DCDC1: variants seen among roughly 807,000 people sequenced by gnomAD.
The protein encoded by DCDC1 is doublecortin domain containing 1, also known as doublecortin domain-containing protein 1.
DCDC1 carries 200 observed loss-of-function variants against 178.3 expected under a neutral mutation model. That is an observed-to-expected ratio of 1.12 (90% CI 1.00 to 1.26). DCDC1 has a LOEUF of 1.26. Ranked by LOEUF, DCDC1 falls within the 50% of genes most tolerant of loss-of-function variation. DCDC1 has a pLI of 0.00. For missense variants in DCDC1, 1,983 were observed against 1,749.2 expected, an observed-to-expected ratio of 1.13 and a Z score of -2.38; for synonymous variants, 690 against 604.8, an observed-to-expected ratio of 1.14 and a Z score of -2.07.
intron 9 of DCDC1, among the ~76,000 whole-genome samples, chr11:31,144,520 A>G (rs1305340908): frequency 1.3e-5 from 2 of 152,176 alleles, no homozygotes; most frequent in Admixed American, 6.5e-5. Context: ...TTCACTAGCT[A>G]TAAATAAAAA....
At chr11:31,094,514 A>C (rs1375298308) in intron 15 of DCDC1, among the ~76,000 whole-genome samples, 1 of 152,148 alleles carries the variant, frequency 6.6e-6, no homozygotes, top group Admixed American at 6.6e-5. Flanking sequence ...AAATAGTGTT[A>C]TTATAGGCAT....
At chr11:31,330,790 G>T (rs1949936789) in intron 2 of DCDC1, among the ~76,000 whole-genome samples, 1 of 152,064 alleles carries the variant, frequency 6.6e-6, no homozygotes, top group Non-Finnish European at 1.5e-5. Flanking sequence ...ATGCTGTTTT[G>T]GTTACTGTAG....
At chr11:30,906,273 C>A in intron 30 of DCDC1, 1 of 346,370 alleles carries the variant, frequency 2.9e-6, no homozygotes, top group Non-Finnish European at 5.3e-6. Flanking sequence ...AAAAGCAACA[C>A]TGAGAACAGT....
chr11:30,866,886 A>G (rs1021176655), intron 38 of DCDC1, among the ~76,000 whole-genome samples: 8 of 152,092 alleles, frequency 5.3e-5, no homozygotes, highest in Non-Finnish European at 1.2e-4. Context: ...TCATAAATGG[A>G]TTAATGCTGC....
chr11:31,180,231 G>T (rs1170306136), intron 9 of DCDC1, among the ~76,000 whole-genome samples: 1 of 152,148 alleles, frequency 6.6e-6, no homozygotes, highest in African/African-American at 2.4e-5. Flanking sequence ...TGCACAGTAG[G>T]TAACTATGGC....
At chr11:30,991,126 G>A (rs1307243697) in intron 20 of DCDC1, among the ~76,000 whole-genome samples, 1 of 152,142 alleles carries the variant, frequency 6.6e-6, no homozygotes, top group Non-Finnish European at 1.5e-5. Context: ...GTAACCATGA[G>A]GAGGCTGGCT....
Position 31,106,978 on chromosome 11 carries a change from G to A in DCDC1, c.1588-18C>T, listed in dbSNP as rs988084577. 1.1e-5 allele frequency: 8 copies of A among 760,540 alleles called. No individual in the cohort carries two copies. Among genetic ancestry groups the A allele is most frequent in the Non-Finnish European group, 1.4e-5 (6 of 415,968 alleles). The allele number at this position is 760,540 out of a possible 1,614,324, so 47.1% of individuals were successfully genotyped here. ...AGAAGTAACTGGTTGGGGGTTAGAG[G>A]GGCAGAGGGGATAGAGGAGAATAAA... On this transcript the variant is annotated intron_variant, in intron 12 of 38. Coordinates refer to ENST00000684477, the MANE Select transcript of DCDC1 (RefSeq NM_001387274.1).
In DCDC1 at chr11:31,310,131, T is replaced by C. The variant is rs1356708633; in HGVS notation, c.165-2223A>G. On this transcript the variant is annotated intron_variant, in intron 3 of 38. Coordinates refer to ENST00000684477, the MANE Select transcript of DCDC1 (RefSeq NM_001387274.1). ...TGGTAAAAATAATTAAATTTAAATATATGGTTCAACTATATATTTGTTTAT... is the reference window on the plus strand; with the variant it reads ...TGGTAAAAATAATTAAATTTAAATACATGGTTCAACTATATATTTGTTTAT... Among the ~76,000 whole-genome samples, 5 of 152,160 alleles carry C rather than the reference T, an allele frequency of 3.3e-5. No homozygotes were observed. In the East Asian group the frequency reaches 5.8e-4, roughly 18 times the overall value.
At chr11:31,272,580 T>C (rs1192072906) in intron 7 of DCDC1, among the ~76,000 whole-genome samples, 1 of 152,180 alleles carries the variant, frequency 6.6e-6, no homozygotes, top group African/African-American at 2.4e-5. Flanking sequence ...TTGTTCCAAA[T>C]GGGAGAAACT....
intron 21 of DCDC1, among the ~76,000 whole-genome samples, chr11:30,949,115 G>A (rs370505452): frequency 1.3e-5 from 2 of 152,256 alleles, no homozygotes; most frequent in South Asian, 2.1e-4. Flanking sequence ...TCTGACAAAT[G>A]TCTAATATCC....
intron 21 of DCDC1, among the ~76,000 whole-genome samples, chr11:30,939,494 A>G (rs891556721): frequency 3.9e-5 from 6 of 152,244 alleles, no homozygotes; most frequent in Admixed American, 1.3e-4. Flanking sequence ...CAGGGCAGTC[A>G]CAACAGGTAA....
chr11:31,237,656 C>T (rs2136854733), intron 9 of DCDC1, among the ~76,000 whole-genome samples: 1 of 152,008 alleles, frequency 6.6e-6, no homozygotes, highest in African/African-American at 2.4e-5. Flanking sequence ...AAAACATTTT[C>T]CCACAACTTC....
chr11:31,080,102 G>A (rs551511973), intron 17 of DCDC1, among the ~76,000 whole-genome samples: 1 of 152,124 alleles, frequency 6.6e-6, no homozygotes, highest in Non-Finnish European at 1.5e-5. Flanking sequence ...TTGTCTTTCT[G>A]AGGATCTTTC....
chr11:31,030,768 C>A (rs1175060714), intron 20 of DCDC1, among the ~76,000 whole-genome samples: 1 of 152,192 alleles, frequency 6.6e-6, no homozygotes, highest in Non-Finnish European at 1.5e-5. Context: ...TAACTTCCAT[C>A]AAGCTCACAT....
intron 9 of DCDC1, among the ~76,000 whole-genome samples, chr11:31,197,801 T>G (rs1970858281): frequency 6.6e-6 from 1 of 152,042 alleles, no homozygotes; most frequent in Non-Finnish European, 1.5e-5. Context: ...CCTCTCATCT[T>G]AAGGACCATT....
chr11:31,148,215 A>G (rs1332284201), intron 9 of DCDC1, among the ~76,000 whole-genome samples: 1 of 147,316 alleles, frequency 6.8e-6, no homozygotes, highest in African/African-American at 2.6e-5. Flanking sequence ...TATTATAAAA[A>G]AAAAAAAAAA....
intron 36 of DCDC1, among the ~76,000 whole-genome samples, chr11:30,889,127 G>C (rs895895485): frequency 1.3e-5 from 2 of 152,188 alleles, no homozygotes; most frequent in Admixed American, 6.5e-5. Flanking sequence ...GCAGGAATGG[G>C]AGAAGACAAA....
intron 9 of DCDC1, among the ~76,000 whole-genome samples, chr11:31,233,466 G>T (rs1976070279): frequency 6.6e-6 from 1 of 152,160 alleles, no homozygotes; most frequent in African/African-American, 2.4e-5. Flanking sequence ...TTCATCATTT[G>T]AGTTTGTCTT....
At chr11:31,087,680 C>G (rs1180608697) in intron 17 of DCDC1, among the ~76,000 whole-genome samples, 1 of 152,104 alleles carries the variant, frequency 6.6e-6, no homozygotes, top group Non-Finnish European at 1.5e-5. Context: ...CCATTATCAT[C>G]AGAGAACACA....
Sources: allele counts gnomAD v4.1 joint callset (sites outside exome capture counted in the v4.1 genomes callset), GRCh38; gene constraint gnomAD v4.1.1; transcripts MANE v1.5; gene names NCBI Gene and HGNC (gene_info 2026-07-23, HGNC 2026-07-21).